Variants in PARD3 observed in about 807,000 individuals in gnomAD.
The protein encoded by PARD3 is par-3 family cell polarity regulator.
PARD3 carries 75 observed loss-of-function variants against 155.4 expected under a neutral mutation model. The observed-to-expected ratio is 0.48, with a 90% CI of 0.40 to 0.58. The LOEUF (loss-of-function observed/expected upper bound fraction) is 0.58, where lower values mean the gene tolerates loss of function less well. PARD3 is among the 20% of genes least tolerant of loss of function. The probability of loss-of-function intolerance (pLI) is 0.00; values close to 1 mark genes in which losing one functional copy is unlikely to be tolerated. For missense variants in PARD3, 1,642 were observed against 1,721.7 expected (o/e 0.95, Z 0.82); for synonymous variants, 576 against 610.5 (o/e 0.94, Z 0.83).
intron 22 of PARD3, among the ~76,000 whole-genome samples, chr10:34,190,158 T>C (rs1950644785): frequency 1.3e-5 from 2 of 152,206 alleles, no homozygotes; most frequent in Non-Finnish European, 2.9e-5. Context: ...AGGTTTCACA[T>C]TACAATAACT....
chr10:34,318,205 C>T (rs568055602), intron 19 of PARD3, among the ~76,000 whole-genome samples: 1 of 152,292 alleles, frequency 6.6e-6, no homozygotes, highest in Admixed American at 6.5e-5. Context: ...TGAAGTAAGT[C>T]TCCCCCTACC....
At chr10:34,133,616 C>A (rs1314086789) in intron 22 of PARD3, among the ~76,000 whole-genome samples, 3 of 152,188 alleles carry the variant, frequency 2.0e-5, no homozygotes, top group Non-Finnish European at 4.4e-5. Flanking sequence ...TGCCAGGGTT[C>A]TGCTGGCTGC....
At chr10:34,260,671 C>A (rs1392727627) in intron 22 of PARD3, among the ~76,000 whole-genome samples, 1 of 152,212 alleles carries the variant, frequency 6.6e-6, no homozygotes, top group Non-Finnish European at 1.5e-5. Context: ...AAGGCACCAA[C>A]TTGCAGAACT....
chr10:34,413,473 G>A (rs1410721968), intron 5 of PARD3, among the ~76,000 whole-genome samples: 1 of 140,776 alleles, frequency 7.1e-6, no homozygotes, highest in East Asian at 2.1e-4. Flanking sequence ...CCACTTATTT[G>A]AGAAACCTTT....
At chr10:34,531,537 G>T (rs949440684) in intron 2 of PARD3, among the ~76,000 whole-genome samples, 45 of 152,114 alleles carry the variant, frequency 3.0e-4, no homozygotes, top group Non-Finnish European at 1.2e-4. Flanking sequence ...CATAAAAGCC[G>T]CATTTTCAAT....
At chr10:34,206,664 A>G (rs1951494825) in intron 22 of PARD3, among the ~76,000 whole-genome samples, 1 of 152,222 alleles carries the variant, frequency 6.6e-6, no homozygotes, top group Admixed American at 6.5e-5. Context: ...TCATGTTTAT[A>G]TCCACTTTTA....
intron 2 of PARD3, among the ~76,000 whole-genome samples, chr10:34,614,449 G>A (rs2091118211): frequency 6.6e-6 from 1 of 152,178 alleles, no homozygotes. Context: ...TCCTATTCTA[G>A]GGTAACAAGG....
At chr10:34,292,225 T>C (rs1956707855) in intron 20 of PARD3, among the ~76,000 whole-genome samples, 1 of 152,228 alleles carries the variant, frequency 6.6e-6, no homozygotes, top group Non-Finnish European at 1.5e-5. Flanking sequence ...GACATGCTCA[T>C]GGATTCTGGC....
At chr10:34,176,297 A>C (rs1323079772) in intron 22 of PARD3, among the ~76,000 whole-genome samples, 3 of 152,218 alleles carry the variant, frequency 2.0e-5, no homozygotes, top group African/African-American at 7.2e-5. Context: ...CTTCTAAGCC[A>C]AGAGGATGCA....
intron 1 of PARD3, among the ~76,000 whole-genome samples, chr10:34,757,272 T>A (rs1465203008): frequency 6.6e-6 from 1 of 152,192 alleles, no homozygotes; most frequent in African/African-American, 2.4e-5. Flanking sequence ...AAATAAAAAA[T>A]TTAAGTTCTT....
At chr10:34,574,442 C>T (rs2086728548) in intron 2 of PARD3, among the ~76,000 whole-genome samples, 2 of 152,184 alleles carry the variant, frequency 1.3e-5, no homozygotes, top group African/African-American at 2.4e-5. Flanking sequence ...AGGATTCACT[C>T]CTCAGTGCTC....
At chr10:34,204,268 C>T (rs11009676) in intron 22 of PARD3, among the ~76,000 whole-genome samples, 1 of 152,128 alleles carries the variant, frequency 6.6e-6, no homozygotes, top group East Asian at 1.9e-4. Context: ...CCAGAGCAAG[C>T]GAATGACACA....
chr10:34,424,389 C>T (rs1236336942), intron 5 of PARD3, among the ~76,000 whole-genome samples: 1 of 152,052 alleles, frequency 6.6e-6, no homozygotes, highest in Non-Finnish European at 1.5e-5. Flanking sequence ...TAACAGAAAA[C>T]CGTTTAGGTA....
At chr10:34,189,760 C>G (rs928719804) in intron 22 of PARD3, among the ~76,000 whole-genome samples, 2 of 152,172 alleles carry the variant, frequency 1.3e-5, no homozygotes, top group African/African-American at 2.4e-5. Context: ...AAAAGGACAA[C>G]TGACAAAAAC....
chr10:34,540,259 T>C (rs1031066382), intron 2 of PARD3, among the ~76,000 whole-genome samples: 3 of 151,728 alleles, frequency 2.0e-5, no homozygotes, highest in Non-Finnish European at 4.4e-5. Context: ...ACATAGTAGG[T>C]ACAGAGTAAA....
chr10:34,195,642 T>C (rs1220406380), intron 22 of PARD3, among the ~76,000 whole-genome samples: 9 of 152,142 alleles, frequency 5.9e-5, no homozygotes, highest in African/African-American at 1.9e-4. Context: ...TAACTAAGAA[T>C]ATAAGGCATC....
intron 22 of PARD3, among the ~76,000 whole-genome samples, chr10:34,242,756 A>G (rs1225988201): frequency 1.3e-5 from 2 of 152,164 alleles, no homozygotes; most frequent in Admixed American, 6.5e-5. Context: ...CAACATGGTG[A>G]AACTCTGCCT....
At chr10:34,656,278 T>C (rs757203034) in intron 2 of PARD3, among the ~76,000 whole-genome samples, 7 of 152,200 alleles carry the variant, frequency 4.6e-5, no homozygotes, top group Non-Finnish European at 1.0e-4. Context: ...GCATGTCAGT[T>C]CCACATAAAC....
intron 20 of PARD3, among the ~76,000 whole-genome samples, chr10:34,295,498 C>G (rs1292452774): frequency 6.6e-6 from 1 of 152,180 alleles, no homozygotes; most frequent in Non-Finnish European, 1.5e-5. Flanking sequence ...CTGGCCATCA[C>G]AAGCAAGGGT....
Sources: gnomAD v4.1 joint callset for allele counts (sites outside exome capture counted in the v4.1 genomes callset) on GRCh38, gnomAD v4.1.1 for gene constraint, MANE v1.5 for transcripts, NCBI Gene and HGNC (gene_info 2026-07-23, HGNC 2026-07-21) for gene names.